TFDP1: variants seen among roughly 807,000 people sequenced by gnomAD.
The protein encoded by TFDP1 is transcription factor Dp-1.
A neutral mutation model predicts 48.0 loss-of-function variants in TFDP1; 6 were observed. The ratio of observed to expected loss-of-function variants is 0.13; its 90% CI spans 0.07 to 0.25. The LOEUF (loss-of-function observed/expected upper bound fraction) is 0.25. Among genes scored for constraint, TFDP1 ranks in the 10% least tolerant of loss-of-function variants. The probability of loss-of-function intolerance (pLI) is 1.00; values close to 1 mark genes in which losing one functional copy is unlikely to be tolerated. For synonymous variants in TFDP1, 201 were observed against 211.6 expected (o/e 0.95, Z 0.44); for missense variants, 335 against 543.0 (o/e 0.62, Z 3.81).
intron 2 of TFDP1, among the ~76,000 whole-genome samples, chr13:113,593,272 A>C (rs2048193287): frequency 1.7e-5 from 2 of 120,910 alleles, no homozygotes; most frequent in Admixed American, 8.8e-5. Flanking sequence ...GTCAGGCGTG[A>C]TGCGTGTGGG....
At chr13:113,626,655 G>T (rs2049187219) in intron 4 of TFDP1, among the ~76,000 whole-genome samples, 1 of 152,136 alleles carries the variant, frequency 6.6e-6, no homozygotes, top group South Asian at 2.1e-4. Context: ...GAAGTTTTGT[G>T]GCCATTGAAA....
chr13:113,595,893 T>A (rs555603605), intron 2 of TFDP1, among the ~76,000 whole-genome samples: 1 of 152,172 alleles, frequency 6.6e-6, no homozygotes, highest in Non-Finnish European at 1.5e-5. Context: ...CCATCCTGGC[T>A]AACATGGTGA....
intron 3 of TFDP1, among the ~76,000 whole-genome samples, chr13:113,613,746 GTA>G (rs747287672): frequency 5.7e-5 from 8 of 139,748 alleles, no homozygotes; most frequent in Non-Finnish European, 1.1e-4. Flanking sequence ...GTGTCTGTGT[GTA>G]TGCGTGAATG....
intron 2 of TFDP1, among the ~76,000 whole-genome samples, chr13:113,604,041 G>T (rs962591313): frequency 1.3e-4 from 20 of 151,832 alleles, no homozygotes; most frequent in African/African-American, 3.9e-4. Flanking sequence ...GTGCATGCCT[G>T]TCCCAGCTAC....
intron 2 of TFDP1, among the ~76,000 whole-genome samples, chr13:113,597,115 G>A (rs2048306777): frequency 6.6e-6 from 1 of 152,218 alleles, no homozygotes. Context: ...GGCCACCCTG[G>A]AGGAGGGTTT....
chr13:113,635,393 G>T (rs1333256647), intron 8 of TFDP1, among the ~76,000 whole-genome samples: 1 of 152,190 alleles, frequency 6.6e-6, no homozygotes, highest in Non-Finnish European at 1.5e-5. Flanking sequence ...TGCCAGGTGG[G>T]GATAGACCCA....
intron 3 of TFDP1, among the ~76,000 whole-genome samples, chr13:113,613,309 C>T (rs911678494): frequency 2.0e-5 from 3 of 152,226 alleles, no homozygotes; most frequent in African/African-American, 7.2e-5. Context: ...CCACTGCACC[C>T]GGCCACACGT....
In TFDP1 at chr13:113,633,084, C is replaced by G. The variant is rs2049379980; in HGVS notation, c.309-36C>G. The G allele has an allele frequency of 6.2e-7, 1 of 1,612,734 alleles. No homozygotes were observed. The highest frequency in any genetic ancestry group is 8.5e-7 in the Non-Finnish European group (1 of 1,179,494). The stretch of plus-strand genomic sequence containing the variant: ...CGATTCAGGCTGATCCTCAGGAGGG[C>G]TGACAGTCGCTTCTCTTTTCCTTTG... On this transcript the variant is annotated intron_variant, in intron 5 of 11. Coordinates refer to ENST00000375370, the MANE Select transcript of TFDP1 (RefSeq NM_007111.5). The surrounding 1 kb of genome is among the most constrained non-coding windows in gnomAD (Gnocchi z 4.5).
At chr13:113,602,701 G>A (rs1464123170) in intron 2 of TFDP1, among the ~76,000 whole-genome samples, 11 of 152,194 alleles carry the variant, frequency 7.2e-5, no homozygotes, top group Admixed American at 4.6e-4. Context: ...CAGAGACTGG[G>A]TGACCCTCAA....
At chr13:113,602,291 G>A (rs1275912093) in intron 2 of TFDP1, among the ~76,000 whole-genome samples, 1 of 151,960 alleles carries the variant, frequency 6.6e-6, no homozygotes, top group Non-Finnish European at 1.5e-5. Context: ...GGGAGGAGTG[G>A]ACAGAGTTAC....
chr13:113,593,962 C>G (rs1162479985), intron 2 of TFDP1, among the ~76,000 whole-genome samples: 3 of 144,760 alleles, frequency 2.1e-5, no homozygotes, highest in Admixed American at 6.9e-5. Context: ...GGGTCCTCAC[C>G]CTGCCCAGGT....
rs377583319 is a variant in TFDP1 at position 113,634,827 on chromosome 13, ATG to A, written c.687+238_687+239del. The stretch of plus-strand genomic sequence containing the variant: ...CATGTGTGTGTGCGTGCATGCATGC[ATG>A]TGTGTGTGTGTGCATGTGCCTGTGT... On this transcript the variant is annotated intron_variant, in intron 8 of 11. Coordinates refer to ENST00000375370, the MANE Select transcript of TFDP1 (RefSeq NM_007111.5). Among the ~76,000 whole-genome samples the A allele has an allele frequency of 4.4e-3, 646 of 148,214 alleles. 5 individuals are homozygous for A. Among genetic ancestry groups the A allele is most frequent in the African/African-American group, 0.014 (573 of 39,944 alleles).
intron 4 of TFDP1, among the ~76,000 whole-genome samples, chr13:113,625,819 G>A (rs1171031465): frequency 7.6e-6 from 1 of 131,710 alleles, no homozygotes; most frequent in African/African-American, 2.9e-5. Context: ...GGTGTCTCAC[G>A]CGTCCTCAGG....
At position 113,633,654 on chromosome 13, in the gene TFDP1, C is replaced by T. The variant is rs988682383; in HGVS notation, c.475-236C>T. Among the ~76,000 whole-genome samples the T allele has an allele frequency of 6.6e-6, 1 of 152,184 alleles. No homozygotes were observed. On this transcript the variant is annotated intron_variant, in intron 6 of 11. Coordinates refer to ENST00000375370, the MANE Select transcript of TFDP1 (RefSeq NM_007111.5). The surrounding 1 kb of genome is among the most constrained non-coding windows in gnomAD (Gnocchi z 4.5). ...CCCAGAAATGCACAAATGCCCACCTCACCAGCTGGGCTCGACACCCGAGAG... is the reference window on the plus strand; with the variant it reads ...CCCAGAAATGCACAAATGCCCACCTTACCAGCTGGGCTCGACACCCGAGAG...
At chr13:113,587,143 C>G (rs866862198) in intron 2 of TFDP1, among the ~76,000 whole-genome samples, 1 of 152,030 alleles carries the variant, frequency 6.6e-6, no homozygotes, top group African/African-American at 2.4e-5. Context: ...TTCATTCCCC[C>G]GTGATTTCAC....
chr13:113,638,921 TC>T (rs1301944372), intron 11 of TFDP1, among the ~76,000 whole-genome samples: 1 of 152,184 alleles, frequency 6.6e-6, no homozygotes, highest in African/African-American at 2.4e-5. Context: ...GTAACAGGGC[TC>T]GACATAGTGA....
chr13:113,589,468 G>C (rs1206584534), intron 2 of TFDP1, among the ~76,000 whole-genome samples: 4 of 152,208 alleles, frequency 2.6e-5, no homozygotes, highest in Non-Finnish European at 5.9e-5. Context: ...CACCCGGTCT[G>C]TGATAGCCTC....
intron 2 of TFDP1, among the ~76,000 whole-genome samples, chr13:113,605,596 G>A (rs2048543976): frequency 6.6e-6 from 1 of 152,232 alleles, no homozygotes; most frequent in South Asian, 2.1e-4. Flanking sequence ...CAGGGTCTGG[G>A]AGTCTGCTTC....
rs550215577 is a variant in TFDP1 at position 113,589,075 on chromosome 13, C to G, written c.12+3226C>G. On this transcript the variant is annotated intron_variant, in intron 2 of 11. Coordinates refer to ENST00000375370, the MANE Select transcript of TFDP1 (RefSeq NM_007111.5). ...GGTGCTGGAGTGGGTGATGTAGGGT[C>G]ACAGAAGGAGGAAACAGCCTAGAAG... is the stretch of plus-strand genomic sequence containing the variant. Among the ~76,000 whole-genome samples the G allele has an allele frequency of 2.2e-4, 34 of 151,994 alleles. No homozygotes were observed. In the South Asian group the frequency reaches 7.1e-3, roughly 32 times the overall value.
Sources: allele counts gnomAD v4.1 joint callset (sites outside exome capture counted in the v4.1 genomes callset), GRCh38; gene constraint gnomAD v4.1.1; non-coding constraint Gnocchi (gnomAD v3.1); transcripts MANE v1.5; gene names NCBI Gene and HGNC (gene_info 2026-07-23, HGNC 2026-07-21).